Variants in BMPR2 observed in about 807,000 individuals in gnomAD.
BMPR2 encodes the protein bone morphogenetic protein receptor type-2.
In BMPR2, 29 loss-of-function variants were observed where a neutral mutation model predicts 100.8. The observed-to-expected ratio is 0.29, with a 90% confidence interval of 0.21 to 0.39. BMPR2 has a LOEUF of 0.39. Among genes scored for constraint, BMPR2 ranks in the 10% least tolerant of loss-of-function variants. The probability of loss-of-function intolerance (pLI) is 1.00; values close to 1 mark genes in which losing one functional copy is unlikely to be tolerated. For synonymous variants in BMPR2, 382 were observed against 442.3 expected, an observed-to-expected ratio of 0.86 and a Z score of 1.71; for missense variants, 1,011 against 1,274.5, an observed-to-expected ratio of 0.79 and a Z score of 3.15.
chr2:202,501,339 A>G (rs552237257), intron 3 of BMPR2, among the ~76,000 whole-genome samples: 103 of 152,298 alleles, frequency 6.8e-4, no homozygotes, highest in African/African-American at 2.5e-3. Context: ...AGGCTCCTCT[A>G]TACTCTAATC....
At chr2:202,435,373 AT>A (rs1691593775) in intron 1 of BMPR2, among the ~76,000 whole-genome samples, 4 of 74,110 alleles carry the variant, frequency 5.4e-5, no homozygotes, top group African/African-American at 2.0e-4. Flanking sequence ...CAAAAAAAAA[AT>A]ACATATATAT....
chr2:202,392,824 C>T (rs959596989), intron 1 of BMPR2, among the ~76,000 whole-genome samples: 4 of 151,810 alleles, frequency 2.6e-5, no homozygotes, highest in African/African-American at 9.7e-5. Context: ...GAAACCCCGT[C>T]TCTACTAAAA....
At chr2:202,533,913 G>A (rs1018997647) in intron 9 of BMPR2, among the ~76,000 whole-genome samples, 1 of 152,146 alleles carries the variant, frequency 6.6e-6, no homozygotes, top group Non-Finnish European at 1.5e-5. Flanking sequence ...CCTTCTTAGG[G>A]ATTACATCGT....
At chr2:202,444,052 C>T (rs946267830) in intron 1 of BMPR2, among the ~76,000 whole-genome samples, 1 of 150,642 alleles carries the variant, frequency 6.6e-6, no homozygotes, top group Non-Finnish European at 1.5e-5. Flanking sequence ...AAAAATGTCT[C>T]CAGACATCTC....
Position 202,436,790 on chromosome 2 carries a change from T to C in BMPR2, c.77-28019T>C, listed in dbSNP as rs547243947. On this transcript the variant is annotated intron_variant, in intron 1 of 12. Transcript: ENST00000374580. ...TTTCATACAGTTTTTCCAGTGGTAC[T>C]GAAAATAACCTCAGCCCGAATTGGC... Among the ~76,000 whole-genome samples the C allele has an allele frequency of 9.5e-4, 144 of 150,864 alleles. 11 individuals carry two copies. Among genetic ancestry groups the C allele is most frequent in the African/African-American group, 3.4e-3 (136 of 40,152 alleles).
Position 202,555,679 on chromosome 2 carries a change from G to T in BMPR2, c.2014G>T (p.Glu672Ter), listed in dbSNP as rs1574506790. Residue 672 changes from glutamate to a stop codon, truncating the protein, a stop_gained, in exon 12 of 13, where the codon GAA (glutamate) becomes TAA (stop). Coordinates refer to ENST00000374580, the MANE Select transcript of BMPR2 (RefSeq NM_001204.7). LOFTEE classifies it high-confidence loss of function. ...DLETNKLDPK[E>*]VDKNLKESSD... ...GGAAACCAACAAGCTAGACCCAAAAGAAGTTGATAAGAACCTCAAGGAAAG... is the reference window on the plus strand; with the variant it reads ...GGAAACCAACAAGCTAGACCCAAAATAAGTTGATAAGAACCTCAAGGAAAG... The T allele has an allele frequency of 6.2e-7, 1 of 1,614,104 alleles. No homozygotes were observed. The highest frequency in any genetic ancestry group is 8.5e-7 in the Non-Finnish European group (1 of 1,180,032).
chr2:202,554,575 C>G (rs1559073636), intron 11 of BMPR2, among the ~76,000 whole-genome samples: 1 of 152,074 alleles, frequency 6.6e-6, no homozygotes, highest in Non-Finnish European at 1.5e-5. Flanking sequence ...ATAACTGTCA[C>G]TCCCAAGGAA....
chr2:202,481,168 TTTCTCTTCTC>T (rs71035012), intron 3 of BMPR2, among the ~76,000 whole-genome samples: 211 of 150,392 alleles, frequency 1.4e-3, no homozygotes, highest in African/African-American at 4.8e-3. Flanking sequence ...TCTCTTCTCT[TTTCTCTTCTC>T]TTCTCTTCTC....
chr2:202,556,656 T>A (rs1172278134), intron 12 of BMPR2, 125 bp downstream of exon 12: 1 of 1,257,442 alleles, frequency 8.0e-7, no homozygotes, highest in Non-Finnish European at 1.1e-6. Flanking sequence ...TTGTAAATGA[T>A]CCATTTGAGG....
At chr2:202,497,051 C>T (rs951141201) in intron 3 of BMPR2, among the ~76,000 whole-genome samples, 10 of 152,358 alleles carry the variant, frequency 6.6e-5, no homozygotes, top group South Asian at 2.1e-4. Flanking sequence ...GCTTAGCACC[C>T]GGGCCAGCGG....
In BMPR2 at chr2:202,473,529, G is replaced by A. The variant is rs189855346; in HGVS notation, c.418+5840G>A. On this transcript the variant is annotated intron_variant, in intron 3 of 12. Coordinates refer to ENST00000374580, the MANE Select transcript of BMPR2 (RefSeq NM_001204.7). ...AAACTGGCCAGGCGCGGTGGCTTAC[G>A]CCACTAATCTCAGCAGTTTGAGAGG... 2.0e-3 allele frequency among the ~76,000 whole-genome samples: 301 copies of A among 152,200 alleles called. 1 individual carries two copies. The highest frequency in any genetic ancestry group is 6.6e-3 in the African/African-American group (274 of 41,522).
intron 1 of BMPR2, among the ~76,000 whole-genome samples, chr2:202,378,752 TGTAGTTGCTTTCAGA>T (rs1690210739): frequency 6.6e-6 from 1 of 152,172 alleles, no homozygotes; most frequent in African/African-American, 2.4e-5. Context: ...TTTTAATAAT[TGTAGTTGCTTTCAGA>T]GTAAAAATGA....
rs1688242619 is a variant in BMPR2, at chr2:202,539,968, T to C, written c.1277-2343T>C. 2.0e-5 allele frequency among the ~76,000 whole-genome samples: 3 copies of C among 152,322 alleles called. 1 individual carries two copies. In the South Asian group the frequency reaches 6.2e-4, roughly 32 times the overall value. On this transcript the variant is annotated intron_variant, in intron 9 of 12. Coordinates refer to ENST00000374580, the MANE Select transcript of BMPR2 (RefSeq NM_001204.7). ...TTAAGGAAATCCAATAAGGTTATTA[T>C]CTTCCATGATGATGATTTTTGTCAT...
intron 10 of BMPR2, 108 bp downstream of exon 10, chr2:202,542,555 C>G (rs540794246): frequency 7.6e-7 from 1 of 1,313,520 alleles, no homozygotes; most frequent in East Asian, 2.5e-5. Flanking sequence ...TTGGAGTTGC[C>G]TAATGCCACA....
At chr2:202,466,161 G>T (rs1399073418) in intron 2 of BMPR2, among the ~76,000 whole-genome samples, 2 of 152,072 alleles carry the variant, frequency 1.3e-5, no homozygotes, top group Admixed American at 6.6e-5. Context: ...GAATTATTAG[G>T]TTATAAGATA....
At chr2:202,491,507 TC>T in intron 3 of BMPR2, among the ~76,000 whole-genome samples, 1 of 152,034 alleles carries the variant, frequency 6.6e-6, no homozygotes, top group East Asian at 1.9e-4. Flanking sequence ...CACTGCAACC[TC>T]CGCCTCCCGG....
intron 11 of BMPR2, among the ~76,000 whole-genome samples, chr2:202,553,127 TTCTC>T (rs1688510947): frequency 6.6e-6 from 1 of 152,194 alleles, no homozygotes; most frequent in Non-Finnish European, 1.5e-5. Context: ...AAGTTAGTCT[TTCTC>T]TATTTATGGT....
intron 1 of BMPR2, among the ~76,000 whole-genome samples, chr2:202,410,029 G>A (rs1239186768): frequency 4.0e-5 from 6 of 151,612 alleles, no homozygotes; most frequent in East Asian, 1.9e-4. Flanking sequence ...CTGTCGCCCA[G>A]GCTGGAGTGC....
intron 1 of BMPR2, among the ~76,000 whole-genome samples, chr2:202,433,982 CA>C (rs1284515629): frequency 6.6e-6 from 1 of 150,576 alleles, no homozygotes; most frequent in Non-Finnish European, 1.5e-5. Flanking sequence ...AGGAAATTTG[CA>C]AGGAAAAAAT....
Sources: allele counts gnomAD v4.1 joint callset (sites outside exome capture counted in the v4.1 genomes callset), GRCh38; gene constraint gnomAD v4.1.1; transcripts MANE v1.5; gene names NCBI Gene and HGNC (gene_info 2026-07-23, HGNC 2026-07-21).